ABHD17B: variants seen among roughly 807,000 people sequenced by gnomAD.
The protein encoded by ABHD17B is abhydrolase domain containing 17B, depalmitoylase.
Under a neutral mutation model 26.2 loss-of-function variants are expected in ABHD17B, and 9 were observed. The observed-to-expected ratio is 0.34, with a 90% CI of 0.21 to 0.60. ABHD17B has a LOEUF of 0.60. ABHD17B is among the 20% of genes least tolerant of loss of function. The pLI, the probability that ABHD17B is intolerant of heterozygous loss-of-function variation, is 0.80. For synonymous variants in ABHD17B, 127 were observed against 122.3 expected (o/e 1.04, Z -0.25); for missense variants, 224 against 352.1 (o/e 0.64, Z 2.91).
At chr9:71,879,181 AC>A (rs1480925017) in intron 1 of ABHD17B, among the ~76,000 whole-genome samples, 2 of 151,410 alleles carry the variant, frequency 1.3e-5, no homozygotes, top group African/African-American at 2.4e-5. Context: ...ACAAACAAAA[AC>A]CCCCCAAATC....
intron 1 of ABHD17B, among the ~76,000 whole-genome samples, chr9:71,881,489 T>C (rs1203410276): frequency 6.6e-6 from 1 of 151,998 alleles, no homozygotes; most frequent in Non-Finnish European, 1.5e-5. Flanking sequence ...AATAGATAAA[T>C]CAGACTCCAA....
chr9:71,868,635 G>C (rs1826024862), intron 3 of ABHD17B, among the ~76,000 whole-genome samples: 2 of 152,208 alleles, frequency 1.3e-5, no homozygotes, highest in South Asian at 4.1e-4. Flanking sequence ...TTCAGCGGTA[G>C]AGGAATTAAA....
intron 1 of ABHD17B, among the ~76,000 whole-genome samples, chr9:71,893,640 G>A (rs192726160): frequency 1.8e-4 from 27 of 152,268 alleles, no homozygotes; most frequent in Admixed American, 1.4e-3. Context: ...CTGGCTGTTG[G>A]TATCAACTTA....
At chr9:71,863,968 A>C (rs1189355952), downstream of ABHD17B, among the ~76,000 whole-genome samples, 5 of 152,146 alleles carry the variant, frequency 3.3e-5, no homozygotes, top group Admixed American at 3.3e-4. Flanking sequence ...TTTGAACAGC[A>C]CTTTGTGTAT....
Position 71,874,627 on chromosome 9 carries a change from C to A in ABHD17B, c.454G>T (p.Ala152Ser). Reference sequence around the variant, plus strand: ...ACCACAATTTACCTTGTCCTAAGAGCAAGCCAAGCAGCTTCAATGTCTGCA... The same window carrying A: ...ACCACAATTTACCTTGTCCTAAGAGAAAGCCAAGCAGCTTCAATGTCTGCA... The part of the protein sequence containing the change: ...LYADIEAAWL[A>S]LRTRYGIRPE... The change falls in exon 2 of 4, where the codon GCT becomes TCT. Residue 152 changes from alanine (A) to serine (S), a missense_variant. Ala to Ser is a moderately conservative substitution (Grantham distance 99). Coordinates refer to ENST00000333421, the MANE Select transcript of ABHD17B (RefSeq NM_001025780.3). 6.3e-7 allele frequency: 1 copy of A among 1,577,722 alleles called. No individual in the cohort carries two copies. Among genetic ancestry groups the A allele is most frequent in the Non-Finnish European group, 8.6e-7 (1 of 1,161,816 alleles).
chr9:71,875,227 C>G, intron 1 of ABHD17B, 144 bp from the exon 2 acceptor site: 1 of 522,840 alleles, frequency 1.9e-6, no homozygotes, highest in East Asian at 3.3e-5. Context: ...AGATTTTTGG[C>G]TTCTTTTTTT....
chr9:71,895,295 G>A (rs967555680), intron 1 of ABHD17B, among the ~76,000 whole-genome samples: 1 of 152,180 alleles, frequency 6.6e-6, no homozygotes, highest in Non-Finnish European at 1.5e-5. Flanking sequence ...CACAGTGTTA[G>A]TAAATGGTAA....
rs114225128 is a variant in ABHD17B at position 71,875,661 on chromosome 9, A to G, written c.-3-578T>C. On this transcript the variant is annotated intron_variant, in intron 1 of 3. Transcript: ENST00000333421. ...TCATTTAACATAAATGTCAAAAATGATAAAGGTAATATTTGCCATTTCTTT... is the reference window on the plus strand; with the variant it reads ...TCATTTAACATAAATGTCAAAAATGGTAAAGGTAATATTTGCCATTTCTTT... Among the ~76,000 whole-genome samples the G allele has an allele frequency of 8.5e-4, 129 of 152,354 alleles. 1 individual carries two copies. The highest frequency in any genetic ancestry group is 3.1e-3 in the African/African-American group (129 of 41,592).
At chr9:71,892,079 GA>G (rs1310720162) in intron 1 of ABHD17B, among the ~76,000 whole-genome samples, 1 of 152,166 alleles carries the variant, frequency 6.6e-6, no homozygotes, top group Non-Finnish European at 1.5e-5. Context: ...TCTACAAAGT[GA>G]AAAGCATAAA....
intron 1 of ABHD17B, among the ~76,000 whole-genome samples, chr9:71,909,823 T>C (rs540817697): frequency 1.3e-5 from 2 of 152,278 alleles, no homozygotes; most frequent in African/African-American, 4.8e-5. Flanking sequence ...TTACAAAAAA[T>C]TCTCTTCTGG....
chr9:71,909,744 T>C (rs1827389310), intron 1 of ABHD17B, among the ~76,000 whole-genome samples: 1 of 152,168 alleles, frequency 6.6e-6, no homozygotes. Flanking sequence ...AATTTAAAGG[T>C]CACCCTCTGT....
chr9:71,901,951 A>G (rs1204313032), intron 1 of ABHD17B, among the ~76,000 whole-genome samples: 2 of 152,288 alleles, frequency 1.3e-5, no homozygotes, highest in East Asian at 1.9e-4. Context: ...CATGCTATAC[A>G]TGATTCCCCC....
intron 2 of ABHD17B, among the ~76,000 whole-genome samples, chr9:71,874,053 G>A (rs1013923413): frequency 3.9e-5 from 6 of 152,136 alleles, no homozygotes; most frequent in Admixed American, 2.0e-4. Flanking sequence ...CAGATCAAGT[G>A]AATAATTAGC....
In ABHD17B at chr9:71,875,066, T is replaced by C. The variant is rs1187802936; in HGVS notation, c.15A>G (p.Ser5=). The stretch of plus-strand genomic sequence containing the variant: ...AGAAGAGGCAACATAGCTCACTAAA[T>C]GAAAGATTATTCATGCTCTGAAAAA... MNNL[S]FSELCCLFCC... is the part of the protein sequence containing the mutation. Residue 5 remains serine, a synonymous_variant, in exon 2 of 4, where the codon TCA becomes TCG. Transcript: ENST00000333421. 6.2e-7 allele frequency: 1 copy of C among 1,606,298 alleles called. No individual in the cohort carries two copies. The highest frequency in any genetic ancestry group is 8.5e-7 in the Non-Finnish European group (1 of 1,174,324).
intron 1 of ABHD17B, among the ~76,000 whole-genome samples, chr9:71,887,720 T>C (rs183651845): frequency 2.4e-4 from 37 of 152,214 alleles, no homozygotes; most frequent in Admixed American, 5.2e-4. Flanking sequence ...TAGCTTCAAA[T>C]GCTAAAGAGC....
chr9:71,864,211 T>TTC (rs982687752), downstream of ABHD17B, among the ~76,000 whole-genome samples: 8 of 96,758 alleles, frequency 8.3e-5, no homozygotes, highest in Admixed American at 1.1e-3. Flanking sequence ...AGGCCAAACT[T>TTC]TCTTTTTTTT....
chr9:71,891,871 G>C (rs1298848830), intron 1 of ABHD17B, among the ~76,000 whole-genome samples: 3 of 152,046 alleles, frequency 2.0e-5, no homozygotes, highest in Non-Finnish European at 4.4e-5. Flanking sequence ...TTTAACTCTT[G>C]GTCCAATAAT....
chr9:71,910,331 T>C (rs1039610617), intron 1 of ABHD17B, among the ~76,000 whole-genome samples: 1 of 151,932 alleles, frequency 6.6e-6, no homozygotes, highest in Non-Finnish European at 1.5e-5. Flanking sequence ...CTTCTTAGAG[T>C]GTCGGTCGGT....
At chr9:71,872,567 G>T (rs962214482) in intron 2 of ABHD17B, among the ~76,000 whole-genome samples, 5 of 152,066 alleles carry the variant, frequency 3.3e-5, no homozygotes, top group African/African-American at 1.2e-4. Context: ...ATGAAAGCTG[G>T]CTATCAGTTT....
Sources: gnomAD v4.1 joint callset for allele counts (sites outside exome capture counted in the v4.1 genomes callset) on GRCh38, gnomAD v4.1.1 for gene constraint, MANE v1.5 for transcripts, NCBI Gene and HGNC (gene_info 2026-07-23, HGNC 2026-07-21) for gene names.